BIRC6: variants seen among roughly 807,000 people sequenced by gnomAD.
The protein encoded by BIRC6 is baculoviral IAP repeat containing 6, also known as dual E2 ubiquitin-conjugating enzyme/E3 ubiquitin-protein ligase BIRC6.
BIRC6 carries 98 observed loss-of-function variants against 503.3 expected under a neutral mutation model. The ratio of observed to expected loss-of-function variants is 0.19; its 90% CI spans 0.17 to 0.23. The LOEUF (loss-of-function observed/expected upper bound fraction) is 0.23. Among genes scored for constraint, BIRC6 ranks in the 10% least tolerant of loss-of-function variants. The pLI, the probability that BIRC6 is intolerant of heterozygous loss-of-function variation, is 1.00. For synonymous variants in BIRC6, 2,240 were observed against 2,078.7 expected, an observed-to-expected ratio of 1.08 and a Z score of -2.11; for missense variants, 5,360 against 5,806.0, an observed-to-expected ratio of 0.92 and a Z score of 2.50.
At chr2:32,606,571 C>G (rs1323379039) in intron 71 of BIRC6, among the ~76,000 whole-genome samples, 1 of 151,724 alleles carries the variant, frequency 6.6e-6, no homozygotes, top group Non-Finnish European at 1.5e-5. Context: ...GCAGCCTGGG[C>G]AACAGAGCAA....
chr2:32,605,965 A>T (rs896854556), intron 71 of BIRC6, among the ~76,000 whole-genome samples: 9 of 152,180 alleles, frequency 5.9e-5, no homozygotes, highest in African/African-American at 2.2e-4. Context: ...GTCACTTTCT[A>T]TTTTGGGTCA....
At position 32,607,558 on chromosome 2, in the gene BIRC6, G is replaced by A. The variant is rs1573348534; in HGVS notation, c.14174G>A (p.Arg4725Gln). The A allele has an allele frequency of 8.7e-6, 14 of 1,613,822 alleles. No homozygotes were observed. Among genetic ancestry groups the A allele is most frequent in the Non-Finnish European group, 1.1e-5 (13 of 1,179,794 alleles). The change falls in exon 72 of 74, where the codon CGA becomes CAA. Residue 4725 changes from arginine to glutamine, a missense_variant. Arg to Gln is a conservative substitution (Grantham distance 43). This residue lies in a region of BIRC6 where 40 missense variants were observed against 53.4 expected (regional missense o/e 0.75). Transcript: ENST00000421745. Reference sequence around the variant, plus strand: ...ACTCCCAGTGGCACACAGAGTTCTCGAGAATATGATGGAAACATTCGACAA... The same window carrying A: ...ACTCCCAGTGGCACACAGAGTTCTCAAGAATATGATGGAAACATTCGACAA... ...RGTPSGTQSSREYDGNIRQAT... is the reference protein window; with the variant it reads ...RGTPSGTQSSQEYDGNIRQAT...
Position 32,357,359 on chromosome 2 carries a change from C to T in BIRC6, c.198C>T (p.Asp66=), listed in dbSNP as rs1040508472. 1.2e-5 allele frequency: 18 copies of T among 1,546,360 alleles called. No individual in the cohort carries two copies. The African/African-American group carries it at 2.5e-4, about 21-fold the overall frequency. Residue 66 remains aspartate, a synonymous_variant, in exon 1 of 74, where the codon GAC becomes GAT. Transcript: ENST00000421745. This position sits in a 1 kb window ranked among gnomAD's most constrained non-coding sequence, Gnocchi z 4.9. ...TGCGGGACGGCTGCATGCACTGCGA[C>T]GCCGACGGGCTGCACAGCCTGTCCT... The part of the protein sequence containing the change: ...LVLRDGCMHC[D]ADGLHSLSYH...
At chr2:32,518,014 G>A (rs2055242790) in intron 55 of BIRC6, among the ~76,000 whole-genome samples, 1 of 150,676 alleles carries the variant, frequency 6.6e-6, no homozygotes, top group African/African-American at 2.4e-5. Flanking sequence ...TTCTAACCCT[G>A]GACACGTTTC....
intron 59 of BIRC6, among the ~76,000 whole-genome samples, chr2:32,526,138 G>GA (rs745406214): frequency 7.9e-5 from 12 of 152,112 alleles, no homozygotes; most frequent in Non-Finnish European, 1.6e-4. Context: ...GACACAAGTG[G>GA]AAAATTCCAC....
At chr2:32,611,929 G>A (rs746145223) in intron 73 of BIRC6, among the ~76,000 whole-genome samples, 3 of 152,106 alleles carry the variant, frequency 2.0e-5, no homozygotes, top group Non-Finnish European at 2.9e-5. Context: ...AGCCTAGAGT[G>A]CAGTGGTGGC....
Position 32,388,958 on chromosome 2 carries a change from A to T in BIRC6, c.839+15A>T. ...TCTGTAGACAGGTATGAACCTTGCT[A>T]ACAAAGGTGACAGTGAGATAGAATT... On this transcript the variant is annotated intron_variant, in intron 4 of 73. Transcript: ENST00000421745. 2.2e-6 allele frequency: 3 copies of T among 1,394,478 alleles called. No homozygotes were observed. Among genetic ancestry groups the T allele is most frequent in the Non-Finnish European group, 2.8e-6 (3 of 1,059,090 alleles). 86.4% of individuals were successfully genotyped at this position (1,394,478 alleles called of 1,614,324 possible).
chr2:32,490,955 A>C (rs1223312962), intron 43 of BIRC6, among the ~76,000 whole-genome samples: 1 of 152,176 alleles, frequency 6.6e-6, no homozygotes, highest in Non-Finnish European at 1.5e-5. Context: ...TGCAAAGGAT[A>C]TTTTATTCAT....
intron 65 of BIRC6, among the ~76,000 whole-genome samples, chr2:32,552,065 G>A (rs1455243295): frequency 6.6e-6 from 1 of 152,136 alleles, no homozygotes; most frequent in African/African-American, 2.4e-5. Flanking sequence ...GTTTTTAAAT[G>A]ATTGGTGAGC....
chr2:32,535,305 T>C (rs533082673), intron 61 of BIRC6, among the ~76,000 whole-genome samples: 31 of 149,434 alleles, frequency 2.1e-4, no homozygotes, highest in African/African-American at 7.5e-4. Context: ...ACAACTTTAT[T>C]TTATTTTATT....
At chr2:32,424,765 G>A (rs1254108996) in intron 10 of BIRC6, among the ~76,000 whole-genome samples, 1 of 151,946 alleles carries the variant, frequency 6.6e-6, no homozygotes, top group Admixed American at 6.6e-5. Context: ...CTCCCACCTC[G>A]CCCACCCAAC....
At chr2:32,469,676 T>G (rs1572450723) in intron 30 of BIRC6, 62 bp downstream of exon 30, 1 of 1,400,450 alleles carries the variant, frequency 7.1e-7, no homozygotes, top group Admixed American at 2.1e-5. Context: ...CAGTTACTGG[T>G]TAGCTTTTGA....
chr2:32,396,553 C>T (rs2039912168), intron 6 of BIRC6, among the ~76,000 whole-genome samples: 1 of 152,152 alleles, frequency 6.6e-6, no homozygotes, highest in Non-Finnish European at 1.5e-5. Flanking sequence ...ATACAGTAGT[C>T]CCCCTTATTT....
In BIRC6 at chr2:32,468,577, A is replaced by G; in HGVS notation, c.5921A>G (p.Tyr1974Cys). Reference protein sequence around the residue: ...VEEDSRVFSAYQDCIQLQLQL... With the variant: ...VEEDSRVFSACQDCIQLQLQL... ...GAAGACAGTAGGGTTTTTTCTGCTT[A>G]TCAAGATTGTATTCAGCTACAGCTT... is the stretch of plus-strand genomic sequence containing the variant. The change falls in exon 29 of 74, where the codon TAT (tyrosine) becomes TGT (cysteine). Residue 1974 changes from tyrosine (Y) to cysteine (C), a missense_variant. Tyr to Cys is a radical substitution (Grantham distance 194, BLOSUM62 -2). Around this residue, in one of 16 missense-constraint regions of BIRC6, gnomAD observed 2,299 missense variants for 2,267.2 expected, o/e 1.01. Coordinates refer to ENST00000421745, the MANE Select transcript of BIRC6 (RefSeq NM_016252.4). 2 of 1,614,028 alleles carry G rather than the reference A, an allele frequency of 1.2e-6. No homozygotes were observed. The highest frequency in any genetic ancestry group is 8.5e-7 in the Non-Finnish European group (1 of 1,179,872).
intron 65 of BIRC6, among the ~76,000 whole-genome samples, chr2:32,550,445 T>G (rs1460987431): frequency 2.0e-5 from 3 of 152,174 alleles, no homozygotes; most frequent in African/African-American, 7.2e-5. Flanking sequence ...ATTAGATTGA[T>G]TTTTTTGTTT....
intron 65 of BIRC6, among the ~76,000 whole-genome samples, chr2:32,573,372 A>G (rs1394497140): frequency 1.3e-5 from 2 of 151,840 alleles, no homozygotes; most frequent in African/African-American, 4.8e-5. Flanking sequence ...TAATTTTCGT[A>G]TTTAGTAGAG....
intron 1 of BIRC6, among the ~76,000 whole-genome samples, chr2:32,363,684 T>C (rs952183956): frequency 6.6e-6 from 1 of 152,196 alleles, no homozygotes; most frequent in South Asian, 2.1e-4. Flanking sequence ...TTTTAGTTCT[T>C]TTATGAACTC....
chr2:32,376,653 A>G (rs986648955), intron 1 of BIRC6, among the ~76,000 whole-genome samples: 4 of 152,170 alleles, frequency 2.6e-5, no homozygotes, highest in Non-Finnish European at 4.4e-5. Context: ...ATTTTTTTCA[A>G]TGTATGAATT....
rs775133406 is a variant in BIRC6 at position 32,478,736 on chromosome 2, T to C, written c.7170T>C (p.Thr2390=). 17 of 1,613,852 alleles carry C rather than the reference T, an allele frequency of 1.1e-5. No individual in the cohort carries two copies. In the South Asian group the frequency reaches 1.8e-4, roughly 17 times the overall value. ...LERLLLLLVG[T]DFNRGDISWG... ...GACTGCTGTTACTTTTGGTTGGAAC[T>C]GACTTCAATAGAGGAGATATATCTT... The change falls in exon 36 of 74, where the codon ACT becomes ACC. Residue 2390 remains threonine (T), a synonymous_variant. Transcript: ENST00000421745.
Sources: gnomAD v4.1 joint callset for allele counts (sites outside exome capture counted in the v4.1 genomes callset) on GRCh38, gnomAD v4.1.1 for gene constraint, gnomAD v4.1.1 regional missense constraint, Gnocchi (gnomAD v3.1) non-coding constraint, MANE v1.5 for transcripts, NCBI Gene and HGNC (gene_info 2026-07-23, HGNC 2026-07-21) for gene names.